Variants in SARAF observed in about 807,000 individuals in gnomAD.
The protein encoded by SARAF is store-operated calcium entry associated regulatory factor.
In SARAF, 23 loss-of-function variants were observed where a neutral mutation model predicts 39.7. The ratio of observed to expected loss-of-function variants is 0.58; its 90% CI spans 0.42 to 0.82. The LOEUF (loss-of-function observed/expected upper bound fraction) is 0.82. Among genes scored for constraint, SARAF ranks in the 40% least tolerant of loss-of-function variants. The pLI is 0.00. For synonymous variants in SARAF, 175 were observed against 168.5 expected (o/e 1.04, Z -0.30); for missense variants, 384 against 418.5 (o/e 0.92, Z 0.72).
At chr8:30,064,555 A>ATTTTTTTTT (rs1402020823) in intron 5 of SARAF, among the ~76,000 whole-genome samples, 35 of 52,506 alleles carry the variant, frequency 6.7e-4, no homozygotes, top group East Asian at 5.7e-3. Flanking sequence ...ATATATATAT[A>ATTTTTTTTT]TATATATTTT....
chr8:30,080,666 T>C (rs1394278617), intron 1 of SARAF, among the ~76,000 whole-genome samples: 1 of 152,244 alleles, frequency 6.6e-6, no homozygotes, highest in East Asian at 1.9e-4. Flanking sequence ...ATAAGGAATT[T>C]TGAAAATTCA....
In SARAF at chr8:30,063,246, G is replaced by A. The variant is rs1171170288; in HGVS notation, c.*642C>T. 6.6e-6 allele frequency: 1 copy of A among 152,168 alleles called. No homozygotes were observed. The highest frequency in any genetic ancestry group is 2.4e-5 in the African/African-American group (1 of 41,448). 9.4% of individuals were successfully genotyped at this position (152,168 alleles called of 1,614,324 possible). ...ACCTCTTATGAACGAAAGAAATATA[G>A]AGGTTTCAAGCATTTTTGCCAGCAC... is the stretch of plus-strand genomic sequence containing the variant. On this transcript the variant is annotated 3_prime_UTR_variant, in exon 6 of 6. Transcript: ENST00000256255.
In SARAF at chr8:30,065,991, A is replaced by G. The variant is rs763346142; in HGVS notation, c.991T>C (p.Ser331Pro). The G allele has an allele frequency of 3.1e-6, 5 of 1,614,128 alleles. No homozygotes were observed. Among genetic ancestry groups the G allele is most frequent in the Non-Finnish European group, 3.4e-6 (4 of 1,180,004 alleles). The change falls in exon 5 of 6, where the codon TCA becomes CCA. Residue 331 changes from serine to proline, a missense_variant. Ser to Pro is a moderately conservative substitution (Grantham distance 74, BLOSUM62 -1). Transcript: ENST00000256255. ...AACTTGTATTTTTTGCTCTTACCTGATGCAGTTCTGGTTTTCGTGTCTGAG... is the reference window on the plus strand; with the variant it reads ...AACTTGTATTTTTTGCTCTTACCTGGTGCAGTTCTGGTTTTCGTGTCTGAG... ...SNSDTKTRTASGYGGTRRR is the reference protein window; with the variant it reads ...SNSDTKTRTAPGYGGTRRR
chr8:30,077,157 AT>A (rs1483493342), intron 1 of SARAF, among the ~76,000 whole-genome samples: 1 of 152,242 alleles, frequency 6.6e-6, no homozygotes, highest in Non-Finnish European at 1.5e-5. Context: ...GACAGCCAAG[AT>A]TAAAAACAAC....
At chr8:30,065,859 C>T (rs1801670942) in intron 5 of SARAF, 129 bp downstream of exon 5, 1 of 997,296 alleles carries the variant, frequency 1.0e-6, no homozygotes, top group African/African-American at 1.6e-5. Flanking sequence ...GTTAACTGTG[C>T]TATTAATATT....
intron 3 of SARAF, among the ~76,000 whole-genome samples, chr8:30,067,870 T>C (rs1801727968): frequency 6.6e-6 from 1 of 152,194 alleles, no homozygotes; most frequent in Admixed American, 6.5e-5. Flanking sequence ...TTCTCCCAGG[T>C]ATGTACATAG....
At chr8:30,065,913 A>G (rs781318267) in intron 5 of SARAF, 75 bp downstream of exon 5, 1 of 1,542,272 alleles carries the variant, frequency 6.5e-7, no homozygotes, top group Non-Finnish European at 8.9e-7. Context: ...TAAACAGATA[A>G]TCATCTTCTA....
intron 1 of SARAF, chr8:30,082,439 A>C: frequency 6.1e-6 from 1 of 162,808 alleles, no homozygotes; most frequent in Admixed American, 6.4e-5. Context: ...GTGGCAGGCA[A>C]CGGCCGGCGA....
Position 30,063,530 on chromosome 8 carries a change from A to G in SARAF, c.*358T>C, listed in dbSNP as rs1044691648. The G allele has an allele frequency of 3.8e-6, 1 of 262,514 alleles. No homozygotes were observed. The highest frequency in any genetic ancestry group is 2.3e-5 in the African/African-American group (1 of 44,188). The allele number at this position is 262,514 out of a possible 1,614,324, so 16.3% of individuals were successfully genotyped here. A position where few individuals can be genotyped will look rare whatever the true frequency, so the allele number is the denominator to read the frequency against. ...AATAACTCATCAGCTACAACCACCT[A>G]AAACTGAAATTTTCTGTACTTAGTT... On this transcript the variant is annotated 3_prime_UTR_variant, in exon 6 of 6. Coordinates refer to ENST00000256255, the MANE Select transcript of SARAF (RefSeq NM_016127.6).
chr8:30,077,178 A>G (rs1028846856), intron 1 of SARAF, among the ~76,000 whole-genome samples: 1 of 152,216 alleles, frequency 6.6e-6, no homozygotes, highest in African/African-American at 2.4e-5. Context: ...CAGAACTGCC[A>G]GGTGCAGTGG....
intron 1 of SARAF, among the ~76,000 whole-genome samples, chr8:30,078,792 T>C (rs956286108): frequency 2.6e-5 from 4 of 152,142 alleles, no homozygotes; most frequent in African/African-American, 4.8e-5. Flanking sequence ...GAAATTATGT[T>C]AAAGGTCCTG....
At chr8:30,081,356 C>T (rs1369967803) in intron 1 of SARAF, among the ~76,000 whole-genome samples, 1 of 152,074 alleles carries the variant, frequency 6.6e-6, no homozygotes, top group Non-Finnish European at 1.5e-5. Context: ...TGTAAACTTC[C>T]TTTATTAAAT....
rs956544734 is a variant in SARAF at position 30,063,787 on chromosome 8, C to T, written c.*101G>A. Reference sequence around the variant, plus strand: ...ATAACACCACAGAACTTTTGAATATCCCCTTTTCCCAATTGTTAACAGGTA... The same window carrying T: ...ATAACACCACAGAACTTTTGAATATTCCCTTTTCCCAATTGTTAACAGGTA... On this transcript the variant is annotated 3_prime_UTR_variant, in exon 6 of 6. Transcript: ENST00000256255. 1 of 1,000,090 alleles carries T rather than the reference C, an allele frequency of 1.0e-6. No individual in the cohort carries two copies. Among genetic ancestry groups the T allele is most frequent in the Non-Finnish European group, 1.6e-6 (1 of 626,456 alleles). 62.0% of individuals were successfully genotyped at this position (1,000,090 alleles called of 1,614,324 possible). A position where few individuals can be genotyped will look rare whatever the true frequency, so the allele number is the denominator to read the frequency against.
intron 3 of SARAF, among the ~76,000 whole-genome samples, chr8:30,069,134 ATTTTTTT>A (rs36096551): frequency 2.0e-5 from 2 of 97,830 alleles, no homozygotes; most frequent in South Asian, 3.3e-4. Context: ...TTAATCAGGC[ATTTTTTT>A]TTTTTTTTTT....
At chr8:30,076,185 A>T (rs1335815513) in intron 1 of SARAF, among the ~76,000 whole-genome samples, 1 of 152,006 alleles carries the variant, frequency 6.6e-6, no homozygotes, top group African/African-American at 2.4e-5. Context: ...GATAAAACTG[A>T]AGGGATTTGC....
At chr8:30,078,285 A>G in intron 1 of SARAF, 1 of 441,660 alleles carries the variant, frequency 2.3e-6, no homozygotes, top group Non-Finnish European at 4.5e-6. Flanking sequence ...GAATCTGATT[A>G]GACAAACTCC....
At chr8:30,070,315 G>A (rs947802020) in intron 2 of SARAF, among the ~76,000 whole-genome samples, 23 of 152,156 alleles carry the variant, frequency 1.5e-4, no homozygotes, top group African/African-American at 5.5e-4. Flanking sequence ...GGCTGAGGCA[G>A]GAGAATCACT....
chr8:30,066,959 A>G, intron 3 of SARAF, 41 bp from the exon 4 acceptor site: 1 of 1,540,394 alleles, frequency 6.5e-7, no homozygotes, highest in Non-Finnish European at 8.9e-7. Flanking sequence ...TCACTTAAAC[A>G]TGACAGTCTA....
chr8:30,064,561 A>ATATATATATATTTTTTTTTTTTT (rs1423689069), intron 5 of SARAF, among the ~76,000 whole-genome samples: 1 of 46,228 alleles, frequency 2.2e-5, no homozygotes, highest in Non-Finnish European at 3.4e-5. Context: ...ATATATATAT[A>ATATATATATATTTTTTTTTTTTT]TTTTTTTTTT....
Sources: allele counts gnomAD v4.1 joint callset (sites outside exome capture counted in the v4.1 genomes callset), GRCh38; gene constraint gnomAD v4.1.1; transcripts MANE v1.5; gene names NCBI Gene and HGNC (gene_info 2026-07-23, HGNC 2026-07-21).